Variants in GABRB3 observed in about 807,000 individuals in gnomAD.
The protein encoded by GABRB3 is gamma-aminobutyric acid receptor subunit beta-3.
GABRB3 carries 14 observed loss-of-function variants against 52.1 expected under a neutral mutation model. The observed-to-expected ratio is 0.27, with a 90% confidence interval of 0.18 to 0.42. GABRB3 has a LOEUF of 0.42. GABRB3 is among the 10% of genes least tolerant of loss of function. The probability of loss-of-function intolerance (pLI) is 1.00; values close to 1 mark genes in which losing one functional copy is unlikely to be tolerated. For missense variants in GABRB3, 307 were observed against 609.1 expected (o/e 0.50, Z 5.22); for synonymous variants, 260 against 232.3 (o/e 1.12, Z -1.08).
chr15:26,681,797 A>G (rs1888248720), intron 3 of GABRB3, among the ~76,000 whole-genome samples: 2 of 152,094 alleles, frequency 1.3e-5, no homozygotes, highest in South Asian at 4.2e-4. Flanking sequence ...TCCTGACTCT[A>G]CAAAGAAAAT....
intron 4 of GABRB3, among the ~76,000 whole-genome samples, chr15:26,602,832 A>G (rs1891638275): frequency 6.6e-6 from 1 of 152,088 alleles, no homozygotes; most frequent in African/African-American, 2.4e-5. Flanking sequence ...CAACTAAATA[A>G]CCATTTCCAC....
At chr15:26,579,097 G>A (rs1259529029) in intron 6 of GABRB3, among the ~76,000 whole-genome samples, 1 of 152,208 alleles carries the variant, frequency 6.6e-6, no homozygotes, top group Non-Finnish European at 1.5e-5. Context: ...GGCTGGGGTG[G>A]AGAGGAGGGA....
chr15:26,767,201 T>C (rs1891021185), intron 3 of GABRB3: 1 of 152,208 alleles, frequency 6.6e-6, no homozygotes, highest in African/African-American at 2.4e-5. Context: ...ACCCTGGACC[T>C]TACCCCTGAA....
rs1889302969 is a variant in GABRB3, at chr15:26,547,549, G to A, written c.*244C>T. The A allele has an allele frequency of 3.4e-6, 2 of 587,172 alleles. No homozygotes were observed. The highest frequency in any genetic ancestry group is 3.2e-5 in the Admixed American group (1 of 31,716). The allele number at this position is 587,172 out of a possible 1,614,324, so 36.4% of individuals were successfully genotyped here. A position where few individuals can be genotyped will look rare whatever the true frequency, so the allele number is the denominator to read the frequency against. On this transcript the variant is annotated 3_prime_UTR_variant, in exon 9 of 9. Coordinates refer to ENST00000311550, the MANE Select transcript of GABRB3 (RefSeq NM_000814.6). ...ATAGCTGCAAAATGTATATATGTATGTGTATTTGTCTTCCATACACATGGG... is the reference window on the plus strand; with the variant it reads ...ATAGCTGCAAAATGTATATATGTATATGTATTTGTCTTCCATACACATGGG...
intron 6 of GABRB3, among the ~76,000 whole-genome samples, chr15:26,579,001 A>C (rs1890692898): frequency 6.6e-6 from 1 of 152,200 alleles, no homozygotes; most frequent in African/African-American, 2.4e-5. Flanking sequence ...TGGAGGATAA[A>C]GTGGCACTGC....
chr15:26,604,845 C>T (rs772876758), intron 4 of GABRB3, among the ~76,000 whole-genome samples: 2 of 152,056 alleles, frequency 1.3e-5, no homozygotes, highest in African/African-American at 2.4e-5. Context: ...CTCTCCAGGA[C>T]ATTGGTCTGG....
chr15:26,624,718 C>G (rs1026445948), intron 3 of GABRB3: 57 of 983,966 alleles, frequency 5.8e-5, no homozygotes, highest in Admixed American at 4.9e-4. Context: ...ACTATCACAT[C>G]AGTGGGGGCA....
At chr15:26,710,898 C>A (rs1566814651) in intron 3 of GABRB3, among the ~76,000 whole-genome samples, 1 of 143,062 alleles carries the variant, frequency 7.0e-6, no homozygotes, top group African/African-American at 2.6e-5. Flanking sequence ...ACACTTTGAT[C>A]TTTTTTTTTT....
At chr15:26,629,173 T>G (rs1258699555) in intron 3 of GABRB3, 3 of 1,485,658 alleles carry the variant, frequency 2.0e-6, no homozygotes, top group African/African-American at 1.4e-5. Context: ...GAGAAGCAGC[T>G]CCCGGGAGAC....
chr15:26,707,235 A>G (rs1475594522), intron 3 of GABRB3, among the ~76,000 whole-genome samples: 1 of 152,332 alleles, frequency 6.6e-6, no homozygotes, highest in East Asian at 1.9e-4. Flanking sequence ...CAGGACAGGC[A>G]TGTTCCCAGG....
chr15:26,710,457 T>TC (rs1330788347), intron 3 of GABRB3, among the ~76,000 whole-genome samples: 1 of 152,158 alleles, frequency 6.6e-6, no homozygotes, highest in African/African-American at 2.4e-5. Context: ...AGATGGGGTT[T>TC]CTCCATGTTG....
intron 3 of GABRB3, among the ~76,000 whole-genome samples, chr15:26,721,376 T>C (rs1470616756): frequency 6.6e-6 from 1 of 151,940 alleles, no homozygotes; most frequent in African/African-American, 2.4e-5. Flanking sequence ...AGAAGAGGAC[T>C]CTAAATCACT....
intron 7 of GABRB3, among the ~76,000 whole-genome samples, 156 bp downstream of exon 7, chr15:26,567,425 C>T (rs926023937): frequency 1.3e-5 from 2 of 152,100 alleles, no homozygotes; most frequent in Admixed American, 6.5e-5. Context: ...GGGAATCGTG[C>T]GTGAAATTAG....
At chr15:26,681,447 T>C (rs887957236) in intron 3 of GABRB3, among the ~76,000 whole-genome samples, 4 of 152,192 alleles carry the variant, frequency 2.6e-5, no homozygotes, top group Non-Finnish European at 5.9e-5. Context: ...CTGCCTCACG[T>C]TGTGTCTGTG....
intron 3 of GABRB3, among the ~76,000 whole-genome samples, chr15:26,722,682 C>T (rs1889672841): frequency 1.3e-5 from 2 of 152,194 alleles, no homozygotes; most frequent in Admixed American, 1.3e-4. Flanking sequence ...AGGCCCAAGG[C>T]AAAGGCATTC....
At chr15:26,600,346 G>A (rs181335753) in intron 4 of GABRB3, among the ~76,000 whole-genome samples, 6 of 151,992 alleles carry the variant, frequency 3.9e-5, no homozygotes, top group Non-Finnish European at 8.8e-5. Context: ...GGCTGAAAAC[G>A]TTCTTAATCT....
At chr15:26,591,932 G>GCTA (rs983577060) in intron 4 of GABRB3, among the ~76,000 whole-genome samples, 1 of 151,944 alleles carries the variant, frequency 6.6e-6, no homozygotes. Context: ...CTGGCTGGTA[G>GCTA]CTACTGTACT....
chr15:26,772,106 G>T lies in GABRB3; in HGVS notation c.240+296C>A, dbSNP rs45486192. The T allele has an allele frequency of 0.18, 60,873 of 344,780 alleles. 6,483 individuals carry two copies. Among genetic ancestry groups the T allele is most frequent in the East Asian group, 0.35 (6,034 of 17,402 alleles). The allele number at this position is 344,780 out of a possible 1,614,324, so 21.4% of individuals were successfully genotyped here. Reference sequence around the variant, plus strand: ...AAACCTCGGGACCAGGCGACAGAGCGCTGGAGGAGCTGGGAGCCCACGGGC... The same window carrying T: ...AAACCTCGGGACCAGGCGACAGAGCTCTGGAGGAGCTGGGAGCCCACGGGC... On this transcript the variant is annotated intron_variant, in intron 3 of 8. Coordinates refer to ENST00000311550, the MANE Select transcript of GABRB3 (RefSeq NM_000814.6).
chr15:26,555,357 G>C (rs1372289873), intron 8 of GABRB3, among the ~76,000 whole-genome samples: 1 of 152,142 alleles, frequency 6.6e-6, no homozygotes, highest in Non-Finnish European at 1.5e-5. Context: ...ACTGCACAGG[G>C]AGAATGAAGA....
Sources: gnomAD v4.1 joint callset for allele counts (sites outside exome capture counted in the v4.1 genomes callset) on GRCh38, gnomAD v4.1.1 for gene constraint, MANE v1.5 for transcripts, NCBI Gene and HGNC (gene_info 2026-07-23, HGNC 2026-07-21) for gene names.